DAB2IP: variants seen among roughly 807,000 people sequenced by gnomAD.
The protein encoded by DAB2IP is DAB2 interacting protein.
Under a neutral mutation model 107.2 loss-of-function variants are expected in DAB2IP, and 28 were observed. The ratio of observed to expected loss-of-function variants is 0.26; its 90% confidence interval spans 0.19 to 0.36. The LOEUF (loss-of-function observed/expected upper bound fraction) is 0.36. Ranked by LOEUF, DAB2IP falls within the 10% of genes least tolerant of loss-of-function variation. The pLI is 1.00. For synonymous variants in DAB2IP, 755 were observed against 706.4 expected (o/e 1.07, Z -1.09); for missense variants, 1,400 against 1,644.7 (o/e 0.85, Z 2.57).
intron 3 of DAB2IP, among the ~76,000 whole-genome samples, chr9:121,709,123 C>T (rs920707322): frequency 1.3e-5 from 2 of 152,194 alleles, no homozygotes; most frequent in Non-Finnish European, 2.9e-5. Flanking sequence ...CAACTGCTTC[C>T]CTCTGAGCTT....
intron 1 of DAB2IP, among the ~76,000 whole-genome samples, chr9:121,627,545 C>T (rs1831704739): frequency 6.6e-6 from 1 of 152,160 alleles, no homozygotes; most frequent in Non-Finnish European, 1.5e-5. Flanking sequence ...ATGTTGCCTA[C>T]TCACTCTCTG....
intron 6 of DAB2IP, among the ~76,000 whole-genome samples, chr9:121,762,936 C>T (rs1273538953): frequency 6.6e-6 from 1 of 152,220 alleles, no homozygotes; most frequent in Non-Finnish European, 1.5e-5. Flanking sequence ...TCCACCTTCC[C>T]TCTCCAGCCA....
chr9:121,744,669 C>T (rs1251947456), intron 3 of DAB2IP, among the ~76,000 whole-genome samples: 3 of 152,192 alleles, frequency 2.0e-5, no homozygotes, highest in Non-Finnish European at 4.4e-5. Flanking sequence ...GAGGCATTGA[C>T]GGGCAGTGAA....
At chr9:121,765,910 G>C (rs12000210) in intron 8 of DAB2IP, among the ~76,000 whole-genome samples, 15,154 of 152,184 alleles carry the variant, frequency 0.1, 1,897 homozygotes, top group African/African-American at 0.3. Flanking sequence ...GAGCTGTGTT[G>C]TCCCACCGTG....
chr9:121,687,221 AC>A (rs1180892054), intron 2 of DAB2IP, among the ~76,000 whole-genome samples: 2 of 152,178 alleles, frequency 1.3e-5, no homozygotes, highest in African/African-American at 4.8e-5. Flanking sequence ...ATCCGGGAGC[AC>A]CTGTCAATGG....
At chr9:121,605,008 T>TTTTTGTTTTG (rs769472202) in intron 1 of DAB2IP, among the ~76,000 whole-genome samples, 1 of 152,040 alleles carries the variant, frequency 6.6e-6, no homozygotes, top group Non-Finnish European at 1.5e-5. Context: ...CTCATTTGGA[T>TTTTTGTTTTG]TTTTGTTTTG....
chr9:121,676,740 A>G (rs975138095), intron 1 of DAB2IP, among the ~76,000 whole-genome samples: 9 of 152,200 alleles, frequency 5.9e-5, no homozygotes, highest in Admixed American at 5.9e-4. Flanking sequence ...AAGCGAGGCA[A>G]GAGCTGGAAG....
chr9:121,612,999 C>G (rs113717506), intron 1 of DAB2IP, among the ~76,000 whole-genome samples: 3,098 of 152,306 alleles, frequency 0.02, 62 homozygotes, highest in South Asian at 0.07. Flanking sequence ...TCAGTTTCCC[C>G]ATTTGTCCTG....
At chr9:121,706,944 G>T (rs1830087667) in intron 3 of DAB2IP, among the ~76,000 whole-genome samples, 1 of 152,346 alleles carries the variant, frequency 6.6e-6, no homozygotes, top group Admixed American at 6.5e-5. Context: ...ACCCACAAAG[G>T]TTCCTGGCAC....
intron 14 of DAB2IP, among the ~76,000 whole-genome samples, chr9:121,779,647 G>T (rs914674945): frequency 3.3e-5 from 5 of 152,174 alleles, no homozygotes; most frequent in Non-Finnish European, 7.3e-5. Context: ...TCCTTCCCCG[G>T]GTCCTCTGTG....
chr9:121,766,044 C>T (rs1403428079), intron 8 of DAB2IP, among the ~76,000 whole-genome samples: 2 of 152,236 alleles, frequency 1.3e-5, no homozygotes, highest in African/African-American at 4.8e-5. Context: ...GAATAGTGGT[C>T]TATTCCTGTT....
In DAB2IP at chr9:121,702,644, G is replaced by A. The variant is rs979756929; in HGVS notation, c.362+3186G>A. 6.6e-6 allele frequency among the ~76,000 whole-genome samples: 1 copy of A among 152,144 alleles called. No homozygotes were observed. Among genetic ancestry groups the A allele is most frequent in the Non-Finnish European group, 1.5e-5 (1 of 68,034 alleles). The stretch of plus-strand genomic sequence containing the variant: ...AAAAGCATTTTCATTTTGCACACTG[G>A]AAATGCTGCTGCTTCATTTACAGGG... On this transcript the variant is annotated intron_variant, in intron 3 of 15. Transcript: ENST00000408936. This position sits in a 1 kb window ranked among gnomAD's most constrained non-coding sequence, Gnocchi z 4.5.
rs1052577330 is a variant in DAB2IP at position 121,736,526 on chromosome 9, G to T, written c.363-20487G>T. Among the ~76,000 whole-genome samples, 1 of 140,986 alleles carries T rather than the reference G, an allele frequency of 7.1e-6. No homozygotes were observed. The highest frequency in any genetic ancestry group is 1.6e-5 in the Non-Finnish European group (1 of 64,098). 92.5% of individuals were successfully genotyped at this position (140,986 alleles called of 152,430 possible). A position where few individuals can be genotyped will look rare whatever the true frequency, so the allele number is the denominator to read the frequency against. On this transcript the variant is annotated intron_variant, in intron 3 of 15. Coordinates refer to ENST00000408936, the Ensembl canonical transcript of DAB2IP. This position sits in a 1 kb window ranked among gnomAD's most constrained non-coding sequence, Gnocchi z 4.6. ...CCCGCTGCCGGGCCTGGGAAGGGCT[G>T]GGCCTACTGCTGTGGGGTGGGGGGC...
At chr9:121,591,489 T>C (rs552279701) in intron 1 of DAB2IP, among the ~76,000 whole-genome samples, 4 of 151,968 alleles carry the variant, frequency 2.6e-5, no homozygotes, top group African/African-American at 7.2e-5. Flanking sequence ...AAAAAAGAAA[T>C]GAGGCTGGGG....
chr9:121,773,621 C>G, intron 12 of DAB2IP, 126 bp downstream of exon 12: 1 of 1,216,326 alleles, frequency 8.2e-7, no homozygotes, highest in Non-Finnish European at 1.0e-6. Flanking sequence ...TCCCATCCCA[C>G]CAGCCTGCCA....
intron 1 of DAB2IP, among the ~76,000 whole-genome samples, chr9:121,669,433 C>A (rs1016505903): frequency 1.3e-5 from 2 of 152,028 alleles, no homozygotes; most frequent in African/African-American, 4.8e-5. Context: ...TTACTCATTG[C>A]AGTGAGGGAG....
chr9:121,624,167 T>G (rs2119000643), intron 1 of DAB2IP, among the ~76,000 whole-genome samples: 1 of 152,322 alleles, frequency 6.6e-6, no homozygotes, highest in Admixed American at 6.5e-5. Context: ...ACCTTCTCCA[T>G]GAAGCAGCTT....
intron 2 of DAB2IP, among the ~76,000 whole-genome samples, chr9:121,683,379 T>G (rs1316539423): frequency 6.6e-6 from 1 of 152,034 alleles, no homozygotes; most frequent in Non-Finnish European, 1.5e-5. Flanking sequence ...CCTCCCTCCC[T>G]CCTTCCTCTG....
intron 1 of DAB2IP, among the ~76,000 whole-genome samples, chr9:121,637,128 T>A (rs1245729993): frequency 6.6e-6 from 1 of 152,228 alleles, no homozygotes; most frequent in African/African-American, 2.4e-5. Context: ...AGGGAGCTGC[T>A]ATTTGCTTCC....
Sources: allele counts gnomAD v4.1 joint callset (sites outside exome capture counted in the v4.1 genomes callset), GRCh38; gene constraint gnomAD v4.1.1; non-coding constraint Gnocchi (gnomAD v3.1); transcripts MANE v1.5; gene names NCBI Gene and HGNC (gene_info 2026-07-23, HGNC 2026-07-21).